Variants in CLEC4F observed in about 807,000 individuals in gnomAD.
The protein encoded by CLEC4F is C-type lectin domain family 4 member F.
CLEC4F carries 45 observed loss-of-function variants against 53.4 expected under a neutral mutation model. The observed-to-expected ratio is 0.84, with a 90% confidence interval of 0.66 to 1.08. The LOEUF is 1.08. CLEC4F is among the 50% of genes least tolerant of loss of function. The probability of loss-of-function intolerance (pLI) is 0.00; values close to 1 mark genes in which losing one functional copy is unlikely to be tolerated. For synonymous variants in CLEC4F, 245 were observed against 257.5 expected (o/e 0.95, Z 0.46); for missense variants, 753 against 698.2 (o/e 1.08, Z -0.88).
chr2:70,814,568 T>C (rs114375387), intron 4 of CLEC4F, among the ~76,000 whole-genome samples: 1,800 of 152,274 alleles, frequency 0.012, 36 homozygotes, highest in African/African-American at 0.041. Context: ...AAACCAACCA[T>C]TGGCAAACTC....
upstream of CLEC4F, among the ~76,000 whole-genome samples, chr2:70,823,668 C>T (rs1208678310): frequency 6.6e-6 from 1 of 152,078 alleles, no homozygotes; most frequent in Non-Finnish European, 1.5e-5. Flanking sequence ...GCAGAAAAAC[C>T]AGGGGGTTGC....
chr2:70,816,087 T>C lies in CLEC4F; in HGVS notation c.1294A>G (p.Lys432Glu). 2.5e-6 allele frequency: 4 copies of C among 1,614,232 alleles called. No homozygotes were observed. The highest frequency in any genetic ancestry group is 2.5e-6 in the Non-Finnish European group (3 of 1,180,038). The change falls in exon 4 of 7, where the codon AAA (lysine) becomes GAA (glutamate). Residue 432 changes from lysine (K) to glutamate (E), a missense_variant. Physicochemically the swap from Lys to Glu is moderately conservative, Grantham distance 56 (BLOSUM62 1). Coordinates refer to ENST00000272367, the MANE Select transcript of CLEC4F (RefSeq NM_173535.3). Reference protein sequence around the residue: ...QRLRGDLENTKALTMEIQQEQ... With the variant: ...QRLRGDLENTEALTMEIQQEQ... ...TGCTGGATTTCCATGGTTAGAGCTTTGGTGTTCTCTAGATCCCCTCTTAAC... is the reference window on the plus strand; with the variant it reads ...TGCTGGATTTCCATGGTTAGAGCTTCGGTGTTCTCTAGATCCCCTCTTAAC...
chr2:70,809,490 G>A (rs1676421316), intron 6 of CLEC4F, 108 bp from the exon 7 acceptor site: 3 of 1,226,994 alleles, frequency 2.4e-6, no homozygotes, highest in South Asian at 3.0e-5. Flanking sequence ...CCAGGTGAGA[G>A]CGATGACCAC....
chr2:70,810,684 A>G (rs1336146731), intron 5 of CLEC4F: 1 of 254,058 alleles, frequency 3.9e-6, no homozygotes, highest in African/African-American at 2.3e-5. Context: ...ACAAAAACCT[A>G]TACTAAACAA....
intron 3 of CLEC4F, 57 bp downstream of exon 3, chr2:70,819,298 C>A: frequency 1.5e-6 from 2 of 1,306,736 alleles, no homozygotes; most frequent in Non-Finnish European, 2.2e-6. Flanking sequence ...ATCCTAGGGT[C>A]TGAGCATCTG....
chr2:70,816,272 T>C lies in CLEC4F; in HGVS notation c.1109A>G (p.Asn370Ser). Residue 370 changes from asparagine to serine, a missense_variant, in exon 4 of 7, where the codon AAT becomes AGT. Asn to Ser is a conservative substitution (Grantham distance 46, BLOSUM62 1). Coordinates refer to ENST00000272367, the MANE Select transcript of CLEC4F (RefSeq NM_173535.3). Reference sequence around the variant, plus strand: ...GACCTGAATCTGGGCATTTAAGGTATTCACATTTTCCATCTCTGACTTGAA... The same window carrying C: ...GACCTGAATCTGGGCATTTAAGGTACTCACATTTTCCATCTCTGACTTGAA... ...QVFKSEMENV[N>S]TLNAQIQVLN... 6.2e-7 allele frequency: 1 copy of C among 1,614,256 alleles called. No individual in the cohort carries two copies. The highest frequency in any genetic ancestry group is 8.5e-7 in the Non-Finnish European group (1 of 1,180,042).
At chr2:70,809,467 T>G in intron 6 of CLEC4F, 85 bp from the exon 7 acceptor site, 4 of 1,429,086 alleles carry the variant, frequency 2.8e-6, no homozygotes, top group Non-Finnish European at 3.8e-6. Flanking sequence ...CTAATGACCC[T>G]CTGTGGAGGA....
upstream of CLEC4F, among the ~76,000 whole-genome samples, chr2:70,821,254 G>C (rs1677208289): frequency 6.6e-6 from 1 of 152,176 alleles, no homozygotes; most frequent in Non-Finnish European, 1.5e-5. Flanking sequence ...GGTGACAGGA[G>C]TGTTTTTTGT....
Position 70,809,772 on chromosome 2 carries a change from T to A in CLEC4F, c.1625A>T (p.Asp542Val). ...RGTEGSWRWTDGTPFNAAQNK... is the reference protein window; with the variant it reads ...RGTEGSWRWTVGTPFNAAQNK... ...CTGGGCGGCGTTGAATGGTGTCCCA[T>A]CTGTCCAGCGCCAGGAGCCCTCTGT... Residue 542 changes from aspartate (D) to valine (V), a missense_variant, in exon 6 of 7, where the codon GAT (aspartate) becomes GTT (valine). By Grantham distance (152) the Asp-to-Val change is radical (BLOSUM62 -3). Transcript: ENST00000272367. 6.2e-7 allele frequency: 1 copy of A among 1,614,102 alleles called. No individual in the cohort carries two copies. The highest frequency in any genetic ancestry group is 8.5e-7 in the Non-Finnish European group (1 of 1,179,956).
At chr2:70,813,764 A>G (rs780710942) in intron 4 of CLEC4F, among the ~76,000 whole-genome samples, 77 of 150,940 alleles carry the variant, frequency 5.1e-4, no homozygotes, top group Non-Finnish European at 7.8e-4. Context: ...TGCAACCTCT[A>G]CCTCCCGGGT....
intron 3 of CLEC4F, among the ~76,000 whole-genome samples, chr2:70,818,304 G>A (rs1410830085): frequency 1.3e-5 from 2 of 152,170 alleles, no homozygotes; most frequent in Admixed American, 1.3e-4. Flanking sequence ...TTTCAACAAA[G>A]GTGCAAAGGC....
chr2:70,817,097 C>A lies in CLEC4F; in HGVS notation c.284G>T (p.Gly95Val). Residue 95 changes from glycine to valine, a missense_variant, in exon 4 of 7, where the codon GGC becomes GTC. By Grantham distance (109) the Gly-to-Val change is moderately radical. Transcript: ENST00000272367. ...AAGCTCTCGCATTTCTGCCTCCCTG[C>A]CAAAGTGGTGATGATCTGGAGGGAG... ...PFEPNNHHHFGREAEMRELIQ... is the reference protein window; with the variant it reads ...PFEPNNHHHFVREAEMRELIQ... The A allele has an allele frequency of 6.2e-7, 1 of 1,608,188 alleles. No homozygotes were observed.
At chr2:70,824,024 C>CAAAAAA (rs1179902981), upstream of CLEC4F, among the ~76,000 whole-genome samples, 9 of 60,618 alleles carry the variant, frequency 1.5e-4, no homozygotes, top group Middle Eastern at 0.011. Flanking sequence ...AGCAAGACTC[C>CAAAAAA]AAAAAAAAAA....
At position 70,814,838 on chromosome 2, in the gene CLEC4F, C is replaced by CAAAAAAAAA. The variant is rs60330725; in HGVS notation, c.1387+1147_1387+1155dup. 3.1e-4 allele frequency among the ~76,000 whole-genome samples: 44 copies of CAAAAAAAAA among 140,980 alleles called. 1 individual carries two copies. Among genetic ancestry groups the CAAAAAAAAA allele is most frequent in the African/African-American group, 1.1e-3 (43 of 37,480 alleles). The allele number at this position is 140,980 out of a possible 152,430, so 92.5% of individuals were successfully genotyped here. On this transcript the variant is annotated intron_variant, in intron 4 of 6. Transcript: ENST00000272367. ...GAATACTGATGCCAGACACCCTCAC[C>CAAAAAAAAA]AAAAAAAAAAAAAAATCACAGTTCT...
At position 70,819,881 on chromosome 2, in the gene CLEC4F, AGAGTCCACCTCT is replaced by A; in HGVS notation, c.62-2_71del. The A allele has an allele frequency of 6.3e-7, 1 of 1,593,746 alleles. No homozygotes were observed. Among genetic ancestry groups the A allele is most frequent in the Non-Finnish European group, 8.5e-7 (1 of 1,170,886 alleles). On this transcript the variant is annotated splice_acceptor_variant and coding_sequence_variant, in exon 2 of 7. Transcript: ENST00000272367. LOFTEE classifies it high-confidence loss of function. Reference sequence around the variant, plus strand: ...TGGGGGCTGCAGGAGCCATTGCCACAGAGTCCACCTCTGCAGGGGAGAAGGCAGTGTCCAAGG... The same window carrying A: ...TGGGGGCTGCAGGAGCCATTGCCACAGCAGGGGAGAAGGCAGTGTCCAAGG...
upstream of CLEC4F, among the ~76,000 whole-genome samples, chr2:70,822,867 A>T (rs1438895480): frequency 6.6e-6 from 1 of 152,196 alleles, no homozygotes; most frequent in African/African-American, 2.4e-5. Context: ...TTTTGCACAG[A>T]TCCTGGGGTC....
intron 5 of CLEC4F, chr2:70,811,061 T>C (rs1676529780): frequency 6.1e-6 from 4 of 660,298 alleles, no homozygotes; most frequent in Admixed American, 3.7e-5. Flanking sequence ...AAATATTTAT[T>C]GCCATTCAGA....
chr2:70,820,628 T>C (rs1438210866), upstream of CLEC4F: 11 of 1,145,016 alleles, frequency 9.6e-6, no homozygotes, highest in African/African-American at 3.1e-5. Context: ...CCCACACTTA[T>C]ATGCTCCTGA....
upstream of CLEC4F, among the ~76,000 whole-genome samples, chr2:70,824,328 C>T (rs553263654): frequency 3.3e-5 from 5 of 151,910 alleles, no homozygotes; most frequent in Admixed American, 1.3e-4. Context: ...GTTCTCCCTG[C>T]CTCTCCTCTT....
Sources: gnomAD v4.1 joint callset for allele counts (sites outside exome capture counted in the v4.1 genomes callset) on GRCh38, gnomAD v4.1.1 for gene constraint, MANE v1.5 for transcripts, NCBI Gene and HGNC (gene_info 2026-07-23, HGNC 2026-07-21) for gene names.